The following PPFIA1 variants were observed in gnomAD, a reference collection of about 807,000 sequenced individuals.
PPFIA1 encodes liprin-alpha-1.
PPFIA1 carries 25 observed loss-of-function variants against 149.9 expected under a neutral mutation model. That is an observed-to-expected ratio of 0.17 (90% CI 0.12 to 0.23). The LOEUF (loss-of-function observed/expected upper bound fraction) is 0.23, where lower values mean the gene tolerates loss of function less well. PPFIA1 is among the 10% of genes least tolerant of loss of function. The probability of loss-of-function intolerance (pLI) is 1.00; values close to 1 mark genes in which losing one functional copy is unlikely to be tolerated. For missense variants in PPFIA1, 1,362 were observed against 1,506.5 expected (o/e 0.90, Z 1.59); for synonymous variants, 549 against 552.8 (o/e 0.99, Z 0.10).
chr11:70,369,436 G>A (rs994338966), intron 21 of PPFIA1, among the ~76,000 whole-genome samples: 1 of 152,162 alleles, frequency 6.6e-6, no homozygotes, highest in African/African-American at 2.4e-5. Context: ...CTATAGTTTT[G>A]TTACATCTTT....
At chr11:70,343,209 A>C (rs992754592) in intron 14 of PPFIA1, among the ~76,000 whole-genome samples, 2 of 152,086 alleles carry the variant, frequency 1.3e-5, no homozygotes, top group African/African-American at 4.8e-5. Flanking sequence ...AGCCTCCCAA[A>C]ATGCTGGGTT....
intron 2 of PPFIA1, among the ~76,000 whole-genome samples, chr11:70,324,019 C>T (rs546015113): frequency 1.3e-5 from 2 of 152,348 alleles, no homozygotes; most frequent in Admixed American, 6.5e-5. Flanking sequence ...TCTAGGCCAT[C>T]TTTCCTCTCT....
chr11:70,300,221 C>T (rs1024854118), intron 2 of PPFIA1, among the ~76,000 whole-genome samples: 5 of 152,146 alleles, frequency 3.3e-5, no homozygotes, highest in South Asian at 2.1e-4. Context: ...CATTACCATG[C>T]GCCCCTCAAA....
chr11:70,283,523 C>T (rs1286943526), intron 2 of PPFIA1, among the ~76,000 whole-genome samples: 1 of 152,096 alleles, frequency 6.6e-6, no homozygotes, highest in Non-Finnish European at 1.5e-5. Context: ...TGTTCCCTGT[C>T]AAAGTGATGG....
At chr11:70,381,638 T>C (rs2057718074) in intron 26 of PPFIA1, among the ~76,000 whole-genome samples, 1 of 152,212 alleles carries the variant, frequency 6.6e-6, no homozygotes, top group Non-Finnish European at 1.5e-5. Flanking sequence ...CCCGACGTCG[T>C]TGGCCTCTGC....
In PPFIA1 at chr11:70,272,180, G is replaced by C. The variant is rs1435129977; in HGVS notation, c.8G>C (p.Cys3Ser). The C allele has an allele frequency of 1.2e-6, 2 of 1,613,338 alleles. No homozygotes were observed. The highest frequency in any genetic ancestry group is 1.7e-6 in the Non-Finnish European group (2 of 1,179,976). The change falls in exon 2 of 28, where the codon TGC (cysteine) becomes TCC (serine). Residue 3 changes from cysteine (C) to serine (S), a missense_variant. Transcript: ENST00000253925. MMCEVMPTISEAE... is the reference protein window; with the variant it reads MMSEVMPTISEAE... ...TGGGTCTTTCATTTCAAGATGATGT[G>C]CGAGGTGATGCCGACCATCAGCGAA...
At position 70,343,822 on chromosome 11, in the gene PPFIA1, G is replaced by A. The variant is rs755275955; in HGVS notation, c.1861G>A (p.Gly621Arg). 3 of 1,614,166 alleles carry A rather than the reference G, an allele frequency of 1.9e-6. No individual in the cohort carries two copies. Among genetic ancestry groups the A allele is most frequent in the East Asian group, 2.2e-5 (1 of 44,868 alleles). Residue 621 changes from glycine (G) to arginine (R), a missense_variant, in exon 15 of 28, where the codon GGG becomes AGG. This residue lies in a region of PPFIA1 where 733 missense variants were observed against 744.1 expected (regional missense o/e 0.99). Transcript: ENST00000253925. ...LSSVDLLSPS[G>R]QADAHTLAMM... ...CTCAGTTGACCTGCTATCGCCCAGCGGGCAGGCCGACGCGCACACACTAGC... is the reference window on the plus strand; with the variant it reads ...CTCAGTTGACCTGCTATCGCCCAGCAGGCAGGCCGACGCGCACACACTAGC...
chr11:70,275,446 T>C (rs2050327223), intron 2 of PPFIA1, among the ~76,000 whole-genome samples: 1 of 152,244 alleles, frequency 6.6e-6, no homozygotes, highest in East Asian at 1.9e-4. Flanking sequence ...TGTAGCCCAG[T>C]TGATCCATCT....
intron 26 of PPFIA1, among the ~76,000 whole-genome samples, chr11:70,378,937 G>A (rs1382002769): frequency 3.3e-5 from 5 of 152,200 alleles, no homozygotes; most frequent in Admixed American, 3.3e-4. Context: ...AGGTTGAAGA[G>A]CCAGGCTGCC....
Position 70,378,194 on chromosome 11 carries a change from C to T in PPFIA1, c.3549C>T (p.Asp1183=), listed in dbSNP as rs200466484. 5.3e-5 allele frequency: 85 copies of T among 1,613,782 alleles called. 1 individual carries two copies. Among genetic ancestry groups the T allele is most frequent in the South Asian group, 2.7e-4 (25 of 91,006 alleles). ...PSMQPKKMQM[D]GNVSGTQRLD... is the part of the protein sequence containing the mutation. Reference sequence around the variant, plus strand: ...TGCAGCCAAAGAAGATGCAGATGGACGGTATGTGATGGGTCACACTAACCT... The same window carrying T: ...TGCAGCCAAAGAAGATGCAGATGGATGGTATGTGATGGGTCACACTAACCT... The change falls in exon 26 of 28, where the codon GAC becomes GAT. Residue 1183 remains aspartate, a splice_region_variant and synonymous_variant. Coordinates refer to ENST00000253925, the MANE Select transcript of PPFIA1 (RefSeq NM_003626.5).
At chr11:70,348,101 A>G in intron 15 of PPFIA1, 88 bp from the exon 16 acceptor site, 6 of 1,100,008 alleles carry the variant, frequency 5.5e-6, no homozygotes, top group Non-Finnish European at 8.2e-6. Context: ...ACTCATAGTA[A>G]TACAGAGTAT....
chr11:70,287,750 C>T (rs898205668), intron 2 of PPFIA1, among the ~76,000 whole-genome samples: 39 of 151,906 alleles, frequency 2.6e-4, no homozygotes, highest in African/African-American at 9.2e-4. Flanking sequence ...CTCAGGCAGT[C>T]CTCCCACTTC....
In PPFIA1 at chr11:70,326,778, C is replaced by G; in HGVS notation, c.890C>G (p.Ser297Cys). 1 of 1,614,126 alleles carries G rather than the reference C, an allele frequency of 6.2e-7. No individual in the cohort carries two copies. The highest frequency in any genetic ancestry group is 8.5e-7 in the Non-Finnish European group (1 of 1,180,024). Residue 297 changes from serine to cysteine, a missense_variant, in exon 7 of 28, where the codon TCT (serine) becomes TGT (cysteine). This residue lies in a region of PPFIA1 where 733 missense variants were observed against 744.1 expected (regional missense o/e 0.99). Transcript: ENST00000253925. ...LDTARKDLIK[S>C]EEMNTKLQRD... ...ACGGCTAGAAAAGATCTCATCAAAT[C>G]TGAAGAAATGAACACAAAATTGCAA...
chr11:70,344,553 GCAGCCTC>G (rs1303475715), intron 15 of PPFIA1, among the ~76,000 whole-genome samples: 1 of 152,212 alleles, frequency 6.6e-6, no homozygotes, highest in African/African-American at 2.4e-5. Flanking sequence ...TGCCGCATGT[GCAGCCTC>G]CTGCACAGAA....
chr11:70,292,505 G>C (rs886490955), intron 2 of PPFIA1, among the ~76,000 whole-genome samples: 11 of 152,184 alleles, frequency 7.2e-5, no homozygotes, highest in African/African-American at 2.7e-4. Flanking sequence ...TGAGCCTTCT[G>C]TTTCCTCACA....
chr11:70,376,733 G>T, intron 25 of PPFIA1, 133 bp downstream of exon 25: 1 of 827,302 alleles, frequency 1.2e-6, no homozygotes, highest in South Asian at 1.6e-5. Flanking sequence ...GATGTTAGAA[G>T]TCAGGCTTTG....
Position 70,348,336 on chromosome 11 carries a change from C to A in PPFIA1, c.2079C>A (p.Ser693=), listed in dbSNP as rs879849838. ...PYPASSLASS[S]PPGSGRSTPR... ...CTGCTTCCTCGCTTGCTAGCTCCTC[C>A]CCTCCGGGCAGTGGGCGCTCCACCC... Residue 693 remains serine (S), a synonymous_variant, in exon 16 of 28, where the codon TCC becomes TCA. Transcript: ENST00000253925. 1 of 1,614,046 alleles carries A rather than the reference C, an allele frequency of 6.2e-7. No individual in the cohort carries two copies. Among genetic ancestry groups the A allele is most frequent in the African/African-American group, 1.3e-5 (1 of 74,922 alleles).
At position 70,343,714 on chromosome 11, in the gene PPFIA1, A is replaced by G. The variant is rs969558800; in HGVS notation, c.1753A>G (p.Ser585Gly). 1.2e-6 allele frequency: 2 copies of G among 1,614,252 alleles called. No homozygotes were observed. The highest frequency in any genetic ancestry group is 1.3e-5 in the African/African-American group (1 of 75,082). ...EQDWERAQQA[S>G]VLANVAQAFE... is the part of the protein sequence containing the mutation. ...GGATTGGGAACGTGCCCAGCAAGCT[A>G]GTGTCTTGGCAAATGTAGCACAAGC... is the stretch of plus-strand genomic sequence containing the variant. Residue 585 changes from serine (S) to glycine (G), a missense_variant, in exon 15 of 28, where the codon AGT becomes GGT. Ser to Gly is a moderately conservative substitution (Grantham distance 56). Around this residue, in one of 7 missense-constraint regions of PPFIA1, gnomAD observed 733 missense variants for 744.1 expected, o/e 0.99. Coordinates refer to ENST00000253925, the MANE Select transcript of PPFIA1 (RefSeq NM_003626.5).
chr11:70,346,347 G>C (rs554406825), intron 15 of PPFIA1, among the ~76,000 whole-genome samples: 1 of 152,168 alleles, frequency 6.6e-6, no homozygotes, highest in Non-Finnish European at 1.5e-5. Context: ...GTGGGTGGAG[G>C]TGCCAGTCCT....
Sources: gnomAD v4.1 joint callset for allele counts (sites outside exome capture counted in the v4.1 genomes callset) on GRCh38, gnomAD v4.1.1 for gene constraint, gnomAD v4.1.1 regional missense constraint, MANE v1.5 for transcripts, NCBI Gene and HGNC (gene_info 2026-07-23, HGNC 2026-07-21) for gene names.